Variants in SPECC1 observed in about 807,000 individuals in gnomAD.
SPECC1 encodes cytospin-B.
Under a neutral mutation model 104.1 loss-of-function variants are expected in SPECC1, and 62 were observed. That is an observed-to-expected ratio of 0.60 (90% CI 0.49 to 0.74). SPECC1 has a LOEUF of 0.74. SPECC1 is among the 30% of genes least tolerant of loss of function. SPECC1 has a pLI of 0.00. For synonymous variants in SPECC1, 513 were observed against 501.6 expected (o/e 1.02, Z -0.30); for missense variants, 1,306 against 1,310.5 (o/e 1.00, Z 0.05).
chr17:20,081,471 C>G (rs534731725), intron 1 of SPECC1, among the ~76,000 whole-genome samples: 8 of 151,894 alleles, frequency 5.3e-5, no homozygotes, highest in African/African-American at 1.9e-4. Context: ...GTGGGGTGTG[C>G]GTGTGAACCA....
intron 1 of SPECC1, among the ~76,000 whole-genome samples, chr17:20,043,979 T>G (rs1367733813): frequency 6.6e-6 from 1 of 152,152 alleles, no homozygotes; most frequent in Non-Finnish European, 1.5e-5. Flanking sequence ...TCTTTTCAAT[T>G]TTTATATTCA....
chr17:20,051,225 G>C (rs1567813664), intron 1 of SPECC1, among the ~76,000 whole-genome samples: 1 of 148,656 alleles, frequency 6.7e-6, no homozygotes, highest in Non-Finnish European at 1.5e-5. Context: ...ACTCAGGCTG[G>C]AGTGCAGTGG....
At chr17:20,066,405 G>A (rs1002653764) in intron 1 of SPECC1, among the ~76,000 whole-genome samples, 1 of 152,166 alleles carries the variant, frequency 6.6e-6, no homozygotes, top group Admixed American at 6.5e-5. Context: ...TGCAGAGCTG[G>A]CTGGATGCCC....
chr17:20,141,640 C>T (rs1255236828), intron 3 of SPECC1, among the ~76,000 whole-genome samples: 1 of 152,196 alleles, frequency 6.6e-6, no homozygotes, highest in Non-Finnish European at 1.5e-5. Flanking sequence ...TTACAACCAT[C>T]ACCGCAGATG....
chr17:20,034,421 A>T (rs573836375), intron 1 of SPECC1, among the ~76,000 whole-genome samples: 1 of 151,812 alleles, frequency 6.6e-6, no homozygotes, highest in African/African-American at 2.4e-5. Context: ...TTACTAAAAA[A>T]ATGTCAAACC....
rs553160104 is a variant in SPECC1 at position 20,187,655 on chromosome 17, CCT to C, written c.284-16675_284-16674del. ...AGACTTTCAGTTATGGGAGTCAAAA[CCT>C]CTTTTTATTGTTGTAAGCTTGAGTT... On this transcript the variant is annotated intron_variant, in intron 3 of 14. Coordinates refer to ENST00000395527, the MANE Select transcript of SPECC1 (RefSeq NM_001243439.2). 8.3e-4 allele frequency among the ~76,000 whole-genome samples: 126 copies of C among 152,304 alleles called. 1 individual carries two copies. Among genetic ancestry groups the C allele is most frequent in the South Asian group, 7.3e-3 (35 of 4,820 alleles).
intron 12 of SPECC1, among the ~76,000 whole-genome samples, chr17:20,261,088 C>A (rs2040008386): frequency 6.6e-6 from 1 of 152,102 alleles, no homozygotes; most frequent in African/African-American, 2.4e-5. Context: ...TGGCTATTTT[C>A]TTTGCATGAC....
chr17:20,185,509 C>T (rs894791201), intron 3 of SPECC1, among the ~76,000 whole-genome samples: 1 of 152,218 alleles, frequency 6.6e-6, no homozygotes, highest in Non-Finnish European at 1.5e-5. Flanking sequence ...TTTCGGATGG[C>T]AGGAGCCACC....
In SPECC1 at chr17:20,211,137, T is replaced by A. The variant is rs1432651997; in HGVS notation, c.1863+5225T>A. ...ATTCAGATGTGCAGGCAAAACTCTT[T>A]GGGGCCCTGCAGGGAAGCTGAGGGA... On this transcript the variant is annotated intron_variant, in intron 4 of 14. Transcript: ENST00000395527. Among the ~76,000 whole-genome samples the A allele has an allele frequency of 2.0e-5, 3 of 152,158 alleles. No homozygotes were observed. The East Asian group carries it at 5.8e-4, about 29-fold the overall frequency.
chr17:20,041,941 A>C (rs1017407244), intron 1 of SPECC1, among the ~76,000 whole-genome samples: 1 of 152,088 alleles, frequency 6.6e-6, no homozygotes, highest in East Asian at 1.9e-4. Flanking sequence ...GGCTTATGAT[A>C]TGTGCTTTAA....
intron 1 of SPECC1, among the ~76,000 whole-genome samples, chr17:20,071,564 G>A (rs1217350362): frequency 6.6e-6 from 1 of 152,092 alleles, no homozygotes; most frequent in Non-Finnish European, 1.5e-5. Context: ...TTATAAAATT[G>A]TTTGCAGAGA....
At chr17:20,041,059 C>T (rs963262118) in intron 1 of SPECC1, among the ~76,000 whole-genome samples, 2 of 151,864 alleles carry the variant, frequency 1.3e-5, no homozygotes, top group Admixed American at 6.6e-5. Flanking sequence ...TCCTGCTGCT[C>T]CTCTTTTTTC....
At chr17:20,306,184 C>A in intron 14 of SPECC1, 102 bp downstream of exon 14, 1 of 1,124,470 alleles carries the variant, frequency 8.9e-7, no homozygotes, top group Non-Finnish European at 1.3e-6. Flanking sequence ...CATCTGTTTG[C>A]CGAAAGTCTG....
At position 20,114,316 on chromosome 17, in the gene SPECC1, C is replaced by T. The variant is rs574859997; in HGVS notation, c.283+3754C>T. On this transcript the variant is annotated intron_variant, in intron 3 of 14. Coordinates refer to ENST00000395527, the MANE Select transcript of SPECC1 (RefSeq NM_001243439.2). ...AAGCGATTCTCCTGCCTCAGCCTCT[C>T]GAGTAGCTGGGACTACAGGTGCACA... 2.3e-3 allele frequency among the ~76,000 whole-genome samples: 354 copies of T among 152,086 alleles called. 2 individuals are homozygous for T. The highest frequency in any genetic ancestry group is 2.9e-3 in the Non-Finnish European group (200 of 67,980).
chr17:20,146,583 G>A (rs1189365179), intron 3 of SPECC1, among the ~76,000 whole-genome samples: 1 of 152,146 alleles, frequency 6.6e-6, no homozygotes, highest in African/African-American at 2.4e-5. Flanking sequence ...CTCAACTGCT[G>A]GATCTTATGA....
intron 10 of SPECC1, among the ~76,000 whole-genome samples, chr17:20,255,689 C>T (rs2039799476): frequency 6.6e-6 from 1 of 152,132 alleles, no homozygotes; most frequent in South Asian, 2.1e-4. Flanking sequence ...CTTCAGCCTT[C>T]AAGTGGCTGG....
intron 3 of SPECC1, among the ~76,000 whole-genome samples, chr17:20,134,293 T>G (rs536787524): frequency 1.3e-3 from 197 of 151,886 alleles, no homozygotes; most frequent in Middle Eastern, 6.8e-3. Context: ...CCTCAATTTA[T>G]GTACCTATTT....
intron 3 of SPECC1, chr17:20,156,284 C>CCT: frequency 1.5e-6 from 2 of 1,293,454 alleles, no homozygotes; most frequent in Non-Finnish European, 2.0e-6. Context: ...CCCCACCCCC[C>CCT]CTCCAGGCGC....
At chr17:20,055,688 A>G (rs2045936212) in intron 1 of SPECC1, among the ~76,000 whole-genome samples, 1 of 152,194 alleles carries the variant, frequency 6.6e-6, no homozygotes, top group Non-Finnish European at 1.5e-5. Context: ...ATTGTTTTTC[A>G]CTAAAGGCAG....
Sources: allele counts gnomAD v4.1 joint callset (sites outside exome capture counted in the v4.1 genomes callset), GRCh38; gene constraint gnomAD v4.1.1; transcripts MANE v1.5; gene names NCBI Gene and HGNC (gene_info 2026-07-23, HGNC 2026-07-21).